Variants in SHANK1 observed in about 807,000 individuals in gnomAD.
SHANK1 encodes the protein SH3 and multiple ankyrin repeat domains protein 1.
Under a neutral mutation model 165.6 loss-of-function variants are expected in SHANK1, and 35 were observed. The ratio of observed to expected loss-of-function variants is 0.21; its 90% CI spans 0.16 to 0.28. SHANK1 has a LOEUF of 0.28. Among genes scored for constraint, SHANK1 ranks in the 10% least tolerant of loss-of-function variants. The probability of loss-of-function intolerance (pLI) is 1.00; values close to 1 mark genes in which losing one functional copy is unlikely to be tolerated. For missense variants in SHANK1, 2,681 were observed against 3,036.4 expected (o/e 0.88, Z 2.75); for synonymous variants, 1,428 against 1,384.8 (o/e 1.03, Z -0.69).
intron 23 of SHANK1, among the ~76,000 whole-genome samples, chr19:50,664,114 T>TTTTC (rs1231585144): frequency 2.8e-4 from 25 of 88,586 alleles, no homozygotes; most frequent in African/African-American, 1.5e-3. Flanking sequence ...CTCCTTTTTC[T>TTTTC]TTTCTTTCTT....
intron 12 of SHANK1, among the ~76,000 whole-genome samples, chr19:50,699,708 G>T (rs1986845932): frequency 6.6e-6 from 1 of 151,966 alleles, no homozygotes; most frequent in Non-Finnish European, 1.5e-5. Context: ...TTGGAGGAAT[G>T]GAGGGGTTGG....
In SHANK1 at chr19:50,668,863, C is replaced by T. The variant is rs1985678400; in HGVS notation, c.3097G>A (p.Asp1033Asn). ...AGAGCCAGGCGGGGTGGAGGGTCGT[C>T]GGGAGAGCCGCCTGTCTCCATCTCG... ...PPEMETGGSP[D>N]DPPPRLALGP... The change falls in exon 23 of 24, where the codon GAC becomes AAC. Residue 1033 changes from aspartate to asparagine, a missense_variant. Around this residue, in one of 10 missense-constraint regions of SHANK1, gnomAD observed 1,713 missense variants for 1,630.2 expected, o/e 1.05. Transcript: ENST00000293441. The T allele has an allele frequency of 1.4e-5, 18 of 1,255,256 alleles. No homozygotes were observed. The highest frequency in any genetic ancestry group is 1.7e-5 in the African/African-American group (1 of 58,774). 77.8% of individuals were successfully genotyped at this position (1,255,256 alleles called of 1,614,324 possible). A position where few individuals can be genotyped will look rare whatever the true frequency, so the allele number is the denominator to read the frequency against.
At position 50,702,771 on chromosome 19, in the gene SHANK1, G is replaced by C. The variant is rs1016931494; in HGVS notation, c.1554-111C>G. On this transcript the variant is annotated intron_variant, in intron 11 of 23. Transcript: ENST00000293441. This position sits in a 1 kb window ranked among gnomAD's most constrained non-coding sequence, Gnocchi z 5.3. Reference sequence around the variant, plus strand: ...GGACGGTGCATCAGGGGGGAGGGGGGGTTTCCCAGCACTGGCGTCCTCCAA... The same window carrying C: ...GGACGGTGCATCAGGGGGGAGGGGGCGTTTCCCAGCACTGGCGTCCTCCAA... 4.4e-6 allele frequency: 3 copies of C among 682,522 alleles called. No homozygotes were observed. The African/African-American group carries it at 5.5e-5, about 12-fold the overall frequency. The allele number at this position is 682,522 out of a possible 1,614,324, so 42.3% of individuals were successfully genotyped here.
intron 8 of SHANK1, among the ~76,000 whole-genome samples, chr19:50,707,931 CTTTTCTTTTCTTTT>C (rs2123188313): frequency 1.2e-5 from 1 of 81,076 alleles, no homozygotes; most frequent in South Asian, 3.3e-4. Flanking sequence ...CTTTTCTTTT[CTTTTCTTTTCTTTT>C]CTTTTCTTTT....
chr19:50,674,436 T>C (rs1985910769), intron 21 of SHANK1, among the ~76,000 whole-genome samples: 1 of 152,134 alleles, frequency 6.6e-6, no homozygotes. Context: ...CTTCCCACTA[T>C]ACCCCCTCCT....
chr19:50,663,940 C>T lies in SHANK1; in HGVS notation c.5769-1258G>A, dbSNP rs75548359. On this transcript the variant is annotated intron_variant, in intron 23 of 23. Coordinates refer to ENST00000293441, the MANE Select transcript of SHANK1 (RefSeq NM_016148.5). ...TTCTTTTCTTTCTCTCTCTCTCTCTCTTTTTTTTTTTTTTTTTAAGACAGG... is the reference window on the plus strand; with the variant it reads ...TTCTTTTCTTTCTCTCTCTCTCTCTTTTTTTTTTTTTTTTTTTAAGACAGG... Among the ~76,000 whole-genome samples, 640 of 108,880 alleles carry T rather than the reference C, an allele frequency of 5.9e-3. 10 individuals carry two copies. Among genetic ancestry groups the T allele is most frequent in the African/African-American group, 0.02 (510 of 26,128 alleles). 71.4% of individuals were successfully genotyped at this position (108,880 alleles called of 152,430 possible). A position where few individuals can be genotyped will look rare whatever the true frequency, so the allele number is the denominator to read the frequency against.
At chr19:50,696,294 G>A (rs944644519) in intron 15 of SHANK1, among the ~76,000 whole-genome samples, 18 of 152,114 alleles carry the variant, frequency 1.2e-4, no homozygotes, top group Non-Finnish European at 1.8e-4. Context: ...ATACTCACCC[G>A]GTGCCCAGAG....
intron 21 of SHANK1, among the ~76,000 whole-genome samples, chr19:50,684,613 G>GA (rs1568434253): frequency 6.6e-6 from 1 of 151,756 alleles, no homozygotes; most frequent in South Asian, 2.1e-4. Flanking sequence ...ACTTGTACAG[G>GA]AAAAAAAATC....
intron 21 of SHANK1, among the ~76,000 whole-genome samples, chr19:50,683,317 C>T (rs1273226443): frequency 6.6e-6 from 1 of 152,216 alleles, no homozygotes; most frequent in Non-Finnish European, 1.5e-5. Flanking sequence ...GCTCCAAATA[C>T]AGGCAATTGT....
In SHANK1 at chr19:50,704,477, T is replaced by A; in HGVS notation, c.1115A>T (p.Asp372Val). The A allele has an allele frequency of 6.2e-7, 1 of 1,614,064 alleles. No homozygotes were observed. Among genetic ancestry groups the A allele is most frequent in the Non-Finnish European group, 8.5e-7 (1 of 1,180,010 alleles). Residue 372 changes from aspartate to valine, a missense_variant, in exon 9 of 24, where the codon GAC becomes GTC. Transcript: ENST00000293441. ...CARILLYRGA[D>V]KDVKNNNGQT... ...TCCGTTGTTGTTCTTCACATCCTTGTCGGCACCTCGATACAGGAGGATCCT... is the reference window on the plus strand; with the variant it reads ...TCCGTTGTTGTTCTTCACATCCTTGACGGCACCTCGATACAGGAGGATCCT...
chr19:50,662,651 A>G lies in SHANK1; in HGVS notation c.5800T>C (p.Ser1934Pro). The G allele has an allele frequency of 2.6e-6, 4 of 1,549,160 alleles. No homozygotes were observed. Among genetic ancestry groups the G allele is most frequent in the Non-Finnish European group, 3.5e-6 (4 of 1,146,654 alleles). Residue 1934 changes from serine (S) to proline (P), a missense_variant, in exon 24 of 24, where the codon TCC becomes CCC. Physicochemically the swap from Ser to Pro is moderately conservative, Grantham distance 74. This residue lies in a region of SHANK1 where 1,713 missense variants were observed against 1,630.2 expected (regional missense o/e 1.05). Transcript: ENST00000293441. This position sits in a 1 kb window ranked among gnomAD's most constrained non-coding sequence, Gnocchi z 7.7. ...TGAAACAGGCTGCTGACAGGCTTGGAGAGGAGTGAGGACTGGGAGTCGTCG... is the reference window on the plus strand; with the variant it reads ...TGAAACAGGCTGCTGACAGGCTTGGGGAGGAGTGAGGACTGGGAGTCGTCG... ...LSDDSQSSLL[S>P]KPVSSLFQNW... is the part of the protein sequence containing the mutation.
At chr19:50,711,835 T>C in intron 7 of SHANK1, 112 bp downstream of exon 7, 2 of 1,217,422 alleles carry the variant, frequency 1.6e-6, no homozygotes, top group Non-Finnish European at 2.4e-6. Context: ...CATGTTATTC[T>C]CACCCCCATG....
Position 50,697,773 on chromosome 19 carries a change from A to T in SHANK1, c.1861+70T>A. 6.6e-7 allele frequency: 1 copy of T among 1,510,078 alleles called. No individual in the cohort carries two copies. The highest frequency in any genetic ancestry group is 9.2e-7 in the Non-Finnish European group (1 of 1,087,182). The allele number at this position is 1,510,078 out of a possible 1,614,324, so 93.5% of individuals were successfully genotyped here. A position where few individuals can be genotyped will look rare whatever the true frequency, so the allele number is the denominator to read the frequency against. Reference sequence around the variant, plus strand: ...ATCTACCTCCCAGTACCCCACCCCCATTAGGAAGGGAAAGGAGTGGACGTG... The same window carrying T: ...ATCTACCTCCCAGTACCCCACCCCCTTTAGGAAGGGAAAGGAGTGGACGTG... On this transcript the variant is annotated intron_variant, in intron 13 of 23. Transcript: ENST00000293441. The surrounding 1 kb of genome is among the most constrained non-coding windows in gnomAD (Gnocchi z 4.7).
chr19:50,701,593 G>C lies in SHANK1; in HGVS notation c.1747+874C>G, dbSNP rs1986917652. ...ATCCTCATCAAAGTCCCATTTTACAGATGAAGAAACTGAGGCCCAGAGAAA... is the reference window on the plus strand; with the variant it reads ...ATCCTCATCAAAGTCCCATTTTACACATGAAGAAACTGAGGCCCAGAGAAA... On this transcript the variant is annotated intron_variant, in intron 12 of 23. Coordinates refer to ENST00000293441, the MANE Select transcript of SHANK1 (RefSeq NM_016148.5). Among the ~76,000 whole-genome samples the C allele has an allele frequency of 2.0e-5, 3 of 149,308 alleles. No homozygotes were observed. The South Asian group carries it at 6.6e-4, about 33-fold the overall frequency.
intron 21 of SHANK1, among the ~76,000 whole-genome samples, chr19:50,675,230 G>A (rs760540490): frequency 1.2e-4 from 19 of 152,056 alleles, no homozygotes; most frequent in Non-Finnish European, 1.9e-4. Context: ...GTGAGACTGC[G>A]TCATTAAAGA....
In SHANK1 at chr19:50,702,671, A is replaced by G. The variant is rs946305741; in HGVS notation, c.1554-11T>C. The G allele has an allele frequency of 6.6e-7, 1 of 1,516,528 alleles. No homozygotes were observed. The allele number at this position is 1,516,528 out of a possible 1,614,324, so 93.9% of individuals were successfully genotyped here. ...GGTGTCCCGCTGGAGCTGCGTACAC[A>G]GAGGGCATGAGAGGAGGGGAGGGTG... is the stretch of plus-strand genomic sequence containing the variant. On this transcript the variant is annotated splice_polypyrimidine_tract_variant and intron_variant, in intron 11 of 23. Coordinates refer to ENST00000293441, the MANE Select transcript of SHANK1 (RefSeq NM_016148.5). The surrounding 1 kb of genome is among the most constrained non-coding windows in gnomAD (Gnocchi z 5.3).
intron 21 of SHANK1, among the ~76,000 whole-genome samples, chr19:50,679,655 C>A (rs914138453): frequency 2.6e-5 from 4 of 152,170 alleles, no homozygotes; most frequent in Non-Finnish European, 5.9e-5. Context: ...TCAGTGGCAG[C>A]GCATGTCCTG....
At chr19:50,685,688 C>T (rs1360083978) in intron 21 of SHANK1, among the ~76,000 whole-genome samples, 1 of 152,110 alleles carries the variant, frequency 6.6e-6, no homozygotes, top group Non-Finnish European at 1.5e-5. Flanking sequence ...TGCCCCACTG[C>T]ACTCCAGCCT....
intron 8 of SHANK1, among the ~76,000 whole-genome samples, chr19:50,705,723 G>T (rs1268204624): frequency 6.6e-6 from 1 of 152,218 alleles, no homozygotes; most frequent in Non-Finnish European, 1.5e-5. Context: ...AGAACCACAG[G>T]TCTAGACCTT....
Sources: gnomAD v4.1 joint callset for allele counts (sites outside exome capture counted in the v4.1 genomes callset) on GRCh38, gnomAD v4.1.1 for gene constraint, gnomAD v4.1.1 regional missense constraint, Gnocchi (gnomAD v3.1) non-coding constraint, MANE v1.5 for transcripts, NCBI Gene and HGNC (gene_info 2026-07-23, HGNC 2026-07-21) for gene names.